Variants in CHRM5 observed in about 807,000 individuals in gnomAD.
The protein encoded by CHRM5 is cholinergic receptor muscarinic 5.
CHRM5 carries 18 observed loss-of-function variants against 39.0 expected under a neutral mutation model. That is an observed-to-expected ratio of 0.46 (90% CI 0.32 to 0.68). The LOEUF (loss-of-function observed/expected upper bound fraction) is 0.68. Ranked by LOEUF, CHRM5 falls within the 30% of genes least tolerant of loss-of-function variation. The probability of loss-of-function intolerance (pLI) is 0.04; values close to 1 mark genes in which losing one functional copy is unlikely to be tolerated. For synonymous variants in CHRM5, 241 were observed against 246.3 expected, an observed-to-expected ratio of 0.98 and a Z score of 0.20; for missense variants, 515 against 651.1, an observed-to-expected ratio of 0.79 and a Z score of 2.28.
chr15:34,039,843 A>T (rs143671744), intron 1 of CHRM5, among the ~76,000 whole-genome samples: 17 of 152,314 alleles, frequency 1.1e-4, no homozygotes, highest in African/African-American at 3.8e-4. Context: ...GTTAAAAAAA[A>T]CTTGACTAAA....
chr15:34,038,670 G>C, intron 1 of CHRM5: 1 of 1,028,686 alleles, frequency 9.7e-7, no homozygotes, highest in Non-Finnish European at 1.2e-6. Context: ...CGGCGCCGCC[G>C]CCCGTCTGGC....
intron 1 of CHRM5, among the ~76,000 whole-genome samples, chr15:33,989,413 G>A (rs1896620655): frequency 1.3e-5 from 2 of 150,948 alleles, no homozygotes; most frequent in African/African-American, 4.9e-5. Flanking sequence ...TTAAAGCAAG[G>A]AGGTATTATT....
chr15:34,057,039 C>G (rs963879705), intron 2 of CHRM5, among the ~76,000 whole-genome samples: 22 of 152,096 alleles, frequency 1.4e-4, no homozygotes, highest in African/African-American at 5.3e-4. Flanking sequence ...TCTAAAAGAG[C>G]CAGTTTGTGG....
At chr15:34,038,613 CACCA>C (rs1899275760) in intron 1 of CHRM5, among the ~76,000 whole-genome samples, 1 of 5,234 alleles carries the variant, frequency 1.9e-4, no homozygotes, top group Non-Finnish European at 1.6e-3. Context: ...GCGCCCCCGC[CACCA>C]GGCGCGCCCC....
At chr15:33,994,115 G>A (rs560355056) in intron 1 of CHRM5, among the ~76,000 whole-genome samples, 3 of 152,200 alleles carry the variant, frequency 2.0e-5, no homozygotes, top group South Asian at 2.1e-4. Context: ...GTTAGGAACC[G>A]GGCTGCATAG....
At chr15:34,037,224 T>A (rs980354775) in intron 1 of CHRM5, among the ~76,000 whole-genome samples, 9 of 152,114 alleles carry the variant, frequency 5.9e-5, no homozygotes, top group African/African-American at 2.2e-4. Context: ...ATTAGTAAAG[T>A]CCTGTGCGCC....
At chr15:34,023,050 G>A (rs1334180271) in intron 1 of CHRM5, among the ~76,000 whole-genome samples, 1 of 152,202 alleles carries the variant, frequency 6.6e-6, no homozygotes, top group Non-Finnish European at 1.5e-5. Context: ...AGCCTGGCGT[G>A]GTGGTGTGCG....
intron 1 of CHRM5, among the ~76,000 whole-genome samples, chr15:34,001,848 A>G (rs1567459557): frequency 6.6e-6 from 1 of 152,204 alleles, no homozygotes; most frequent in Non-Finnish European, 1.5e-5. Flanking sequence ...AAATACAGGC[A>G]GATAAAGAAG....
intron 1 of CHRM5, among the ~76,000 whole-genome samples, chr15:33,984,689 A>G (rs1346203143): frequency 6.6e-6 from 1 of 152,152 alleles, no homozygotes; most frequent in Non-Finnish European, 1.5e-5. Context: ...GGTGTGAGGC[A>G]CTGCACCCAG....
At chr15:33,999,502 G>C (rs1897058678) in intron 1 of CHRM5, among the ~76,000 whole-genome samples, 1 of 152,058 alleles carries the variant, frequency 6.6e-6, no homozygotes, top group African/African-American at 2.4e-5. Flanking sequence ...ATGCAACACT[G>C]GTACCTCCTA....
chr15:34,030,665 G>A (rs1359133198), intron 1 of CHRM5, among the ~76,000 whole-genome samples: 1 of 151,984 alleles, frequency 6.6e-6, no homozygotes, highest in Non-Finnish European at 1.5e-5. Context: ...GTCTCGGGCT[G>A]TCATCCAGGC....
chr15:34,018,807 CA>C (rs1898072918), intron 1 of CHRM5, among the ~76,000 whole-genome samples: 1 of 152,094 alleles, frequency 6.6e-6, no homozygotes, highest in East Asian at 1.9e-4. Context: ...GGTGCATTTA[CA>C]ATCATTTAGC....
chr15:34,041,928 T>C (rs781497392), intron 1 of CHRM5, among the ~76,000 whole-genome samples: 4 of 152,170 alleles, frequency 2.6e-5, no homozygotes, highest in Non-Finnish European at 4.4e-5. Context: ...CGGGGGTATG[T>C]TACTCTCCAT....
intron 1 of CHRM5, among the ~76,000 whole-genome samples, chr15:33,993,840 GTT>G (rs11340199): frequency 1.2e-4 from 19 of 152,074 alleles, no homozygotes; most frequent in African/African-American, 3.9e-4. Flanking sequence ...AAAAAATAGG[GTT>G]TTTTTTTCCT....
At chr15:34,030,008 C>G (rs143758653) in intron 1 of CHRM5, among the ~76,000 whole-genome samples, 33 of 152,278 alleles carry the variant, frequency 2.2e-4, no homozygotes, top group African/African-American at 7.9e-4. Flanking sequence ...AATCCCAGCA[C>G]TTTGGGAGGC....
chr15:33,992,956 C>A (rs1268569520), intron 1 of CHRM5, among the ~76,000 whole-genome samples: 1 of 152,168 alleles, frequency 6.6e-6, no homozygotes, highest in Non-Finnish European at 1.5e-5. Context: ...AAACTGCAGT[C>A]TGGTTATTTC....
At chr15:34,007,972 C>T (rs1897435810) in intron 1 of CHRM5, among the ~76,000 whole-genome samples, 1 of 152,182 alleles carries the variant, frequency 6.6e-6, no homozygotes, top group Non-Finnish European at 1.5e-5. Context: ...TAGGGCCTAC[C>T]TTAATCAAGT....
At chr15:33,991,261 A>AAAAAAATTTATATAAAAATATAAAAAAAT (rs1389954269) in intron 1 of CHRM5, 1 of 152,226 alleles carries the variant, frequency 6.6e-6, no homozygotes, top group Non-Finnish European at 1.5e-5. Context: ...AAAAATACAG[A>AAAAAAATTTATATAAAAATATAAAAAAAT]CCTTCTAACA....
intron 1 of CHRM5, chr15:34,038,993 G>C (rs1266325296): frequency 1.8e-6 from 2 of 1,117,870 alleles, no homozygotes; most frequent in East Asian, 5.8e-5. Flanking sequence ...CGCCAGGCCG[G>C]CCGCGGCCTG....
Sources: allele counts gnomAD v4.1 joint callset (sites outside exome capture counted in the v4.1 genomes callset), GRCh38; gene constraint gnomAD v4.1.1; transcripts MANE v1.5; gene names NCBI Gene and HGNC (gene_info 2026-07-23, HGNC 2026-07-21).